INHA: variants seen among roughly 807,000 people sequenced by gnomAD.
INHA encodes inhibin alpha chain.
Under a neutral mutation model 21.3 loss-of-function variants are expected in INHA, and 8 were observed. The observed-to-expected ratio is 0.38, with a 90% CI of 0.22 to 0.68. INHA has a LOEUF of 0.68. Ranked by LOEUF, INHA falls within the 30% of genes least tolerant of loss-of-function variation. The probability of loss-of-function intolerance (pLI) is 0.53; values close to 1 mark genes in which losing one functional copy is unlikely to be tolerated. For synonymous variants in INHA, 231 were observed against 207.5 expected (o/e 1.11, Z -0.97); for missense variants, 436 against 465.8 (o/e 0.94, Z 0.59).
At chr2:219,573,601 T>A (rs1697471680) in intron 1 of INHA, among the ~76,000 whole-genome samples, 2 of 151,666 alleles carry the variant, frequency 1.3e-5, no homozygotes, top group South Asian at 4.2e-4. Flanking sequence ...TTTTTTTTTT[T>A]TTGGTGTAAA....
chr2:219,575,472 T>C lies in INHA; in HGVS notation c.1047T>C (p.Ser349=), dbSNP rs1180814642. Residue 349 remains serine (S), a synonymous_variant, in exon 2 of 2, where the codon TCT becomes TCC. Coordinates refer to ENST00000243786, the MANE Select transcript of INHA (RefSeq NM_002191.4). ...HVRTTSDGGY[S]FKYETVPNLL... ...GCACCACCTCGGATGGAGGTTACTC[T>C]TTCAAGTATGAGACAGTGCCCAACC... 6.2e-7 allele frequency: 1 copy of C among 1,614,074 alleles called. No homozygotes were observed. The highest frequency in any genetic ancestry group is 1.3e-5 in the African/African-American group (1 of 75,056).
chr2:219,574,801 G>A lies in INHA; in HGVS notation c.376G>A (p.Val126Met), dbSNP rs754694190. Residue 126 changes from valine (V) to methionine (M), a missense_variant, in exon 2 of 2, where the codon GTG becomes ATG. Transcript: ENST00000243786. ...ATCCCAGCATACACGCAGCCGCCAG[G>A]TGACTTCAGCCCAGCTGTGGTTCCA... Reference protein sequence around the residue: ...RPSQHTRSRQVTSAQLWFHTG... With the variant: ...RPSQHTRSRQMTSAQLWFHTG... 2 of 1,614,144 alleles carry A rather than the reference G, an allele frequency of 1.2e-6. No individual in the cohort carries two copies. Among genetic ancestry groups the A allele is most frequent in the Non-Finnish European group, 1.7e-6 (2 of 1,180,008 alleles).
Position 219,574,776 on chromosome 2 carries a change from A to T in INHA, c.351A>T (p.Pro117=). The T allele has an allele frequency of 6.2e-7, 1 of 1,614,128 alleles. No homozygotes were observed. The highest frequency in any genetic ancestry group is 8.5e-7 in the Non-Finnish European group (1 of 1,180,004). Residue 117 remains proline, a synonymous_variant, in exon 2 of 2, where the codon CCA becomes CCT. Coordinates refer to ENST00000243786, the MANE Select transcript of INHA (RefSeq NM_002191.4). ...GCCTCTTCAGATACATGTTCCGGCC[A>T]TCCCAGCATACACGCAGCCGCCAGG... ...EEGLFRYMFR[P]SQHTRSRQVT... is the part of the protein sequence containing the mutation.
At chr2:219,572,720 C>A (rs1046537146) in intron 1 of INHA, 78 bp downstream of exon 1, 2 of 1,503,480 alleles carry the variant, frequency 1.3e-6, no homozygotes, top group Non-Finnish European at 1.8e-6. Flanking sequence ...CCAGGCGGAC[C>A]TGGGTTTGAA....
At chr2:219,573,586 TC>T (rs1273842365) in intron 1 of INHA, among the ~76,000 whole-genome samples, 1 of 28,878 alleles carries the variant, frequency 3.5e-5, no homozygotes, top group Non-Finnish European at 7.2e-5. Flanking sequence ...CCCTCCTTCT[TC>T]TTTTTTTTTT....
chr2:219,575,011 C>T lies in INHA; in HGVS notation c.586C>T (p.Leu196=). ...LSLLTHPVLV[L]LLRCPLCTCS... is the part of the protein sequence containing the mutation. The stretch of plus-strand genomic sequence containing the variant: ...TCTGCTGACCCACCCCGTCCTGGTG[C>T]TGCTGCTGCGCTGTCCCCTCTGTAC... The change falls in exon 2 of 2, where the codon CTG becomes TTG. Residue 196 remains leucine (L), a synonymous_variant. Transcript: ENST00000243786. The T allele has an allele frequency of 6.2e-7, 1 of 1,613,122 alleles. No homozygotes were observed. Among genetic ancestry groups the T allele is most frequent in the Non-Finnish European group, 8.5e-7 (1 of 1,180,030 alleles).
rs1418219674 is a variant in INHA, at chr2:219,574,273, T to A, written c.269-421T>A. On this transcript the variant is annotated intron_variant, in intron 1 of 1. Coordinates refer to ENST00000243786, the MANE Select transcript of INHA (RefSeq NM_002191.4). Reference sequence around the variant, plus strand: ...CAGCCTGGGTGACACAGTAAGACTCTGTCTCAAAAAAAAAAAAAAAAAAGA... The same window carrying A: ...CAGCCTGGGTGACACAGTAAGACTCAGTCTCAAAAAAAAAAAAAAAAAAGA... Among the ~76,000 whole-genome samples the A allele has an allele frequency of 3.1e-5, 4 of 128,992 alleles. No individual in the cohort carries two copies. The East Asian group carries it at 1.0e-3, about 32-fold the overall frequency. 84.6% of individuals were successfully genotyped at this position (128,992 alleles called of 152,430 possible).
In INHA at chr2:219,574,887, G is replaced by C. The variant is rs1481596160; in HGVS notation, c.462G>C (p.Leu154=). Residue 154 remains leucine (L), a synonymous_variant, in exon 2 of 2, where the codon CTG becomes CTC. Transcript: ENST00000243786. ...ASNSSEPLLG[L]LALSPGGPVA... ...ATAGCTCTGAGCCCCTGCTAGGCCTGCTGGCACTGTCACCGGGAGGACCCG... is the reference window on the plus strand; with the variant it reads ...ATAGCTCTGAGCCCCTGCTAGGCCTCCTGGCACTGTCACCGGGAGGACCCG... The C allele has an allele frequency of 6.2e-7, 1 of 1,614,042 alleles. No individual in the cohort carries two copies. The highest frequency in any genetic ancestry group is 1.3e-5 in the African/African-American group (1 of 74,954).
rs1257387062 is a variant in INHA at position 219,575,020 on chromosome 2, C to T, written c.595C>T (p.Arg199Cys). The T allele has an allele frequency of 1.9e-5, 30 of 1,613,008 alleles. No homozygotes were observed. The highest frequency in any genetic ancestry group is 2.2e-5 in the Non-Finnish European group (26 of 1,180,044). The change falls in exon 2 of 2, where the codon CGC becomes TGC. Residue 199 changes from arginine (R) to cysteine (C), a missense_variant. Arg to Cys is a radical substitution (Grantham distance 180, BLOSUM62 -3). Coordinates refer to ENST00000243786, the MANE Select transcript of INHA (RefSeq NM_002191.4). The stretch of plus-strand genomic sequence containing the variant: ...CCACCCCGTCCTGGTGCTGCTGCTG[C>T]GCTGTCCCCTCTGTACCTGCTCAGC... ...LTHPVLVLLL[R>C]CPLCTCSARP...
chr2:219,574,087 T>C (rs1559166073), intron 1 of INHA, among the ~76,000 whole-genome samples: 1 of 152,040 alleles, frequency 6.6e-6, no homozygotes, highest in African/African-American at 2.4e-5. Context: ...GAGATCAGCC[T>C]GGGCAACATA....
intron 1 of INHA, among the ~76,000 whole-genome samples, chr2:219,573,527 T>C (rs1368466112): frequency 1.3e-5 from 2 of 151,950 alleles, no homozygotes; most frequent in African/African-American, 4.8e-5. Context: ...CCTCCTTCTC[T>C]TCCCCCTCTT....
At position 219,575,620 on chromosome 2, in the gene INHA, TC is replaced by T; in HGVS notation, c.*97del. Reference sequence around the variant, plus strand: ...AAGGCAGAGTTGGGAAATAGATGGCTCCCACTCCTCCCTCCTTTCACTTCTC... The same window carrying T: ...AAGGCAGAGTTGGGAAATAGATGGCTCCACTCCTCCCTCCTTTCACTTCTC... On this transcript the variant is annotated 3_prime_UTR_variant, in exon 2 of 2. Transcript: ENST00000243786. The T allele has an allele frequency of 1.0e-6, 1 of 971,646 alleles. No homozygotes were observed. The highest frequency in any genetic ancestry group is 1.6e-6 in the Non-Finnish European group (1 of 612,218). The allele number at this position is 971,646 out of a possible 1,614,324, so 60.2% of individuals were successfully genotyped here.
Position 219,572,475 on chromosome 2 carries a change from G to A in INHA, c.101G>A (p.Arg34Lys). The A allele has an allele frequency of 1.2e-6, 2 of 1,613,876 alleles. No homozygotes were observed. Among genetic ancestry groups the A allele is most frequent in the South Asian group, 1.1e-5 (1 of 91,064 alleles). ...LARELVLAKV[R>K]ALFLDALGPP... ...CGGGAACTTGTTCTGGCCAAGGTGA[G>A]GGCCCTGTTCTTGGATGCCTTGGGG... Residue 34 changes from arginine to lysine, a missense_variant, in exon 1 of 2, where the codon AGG becomes AAG. By Grantham distance (26) the Arg-to-Lys change is conservative (BLOSUM62 2). Transcript: ENST00000243786.
chr2:219,573,587 CTTTTTT>C (rs11342037), intron 1 of INHA, among the ~76,000 whole-genome samples: 2 of 143,640 alleles, frequency 1.4e-5, no homozygotes, highest in Non-Finnish European at 1.5e-5. Flanking sequence ...CCTCCTTCTT[CTTTTTT>C]TTTTTTTTTT....
Position 219,574,831 on chromosome 2 carries a change from G to A in INHA, c.406G>A (p.Gly136Arg), listed in dbSNP as rs1184216895. ...TTCAGCCCAGCTGTGGTTCCACACC[G>A]GGCTGGACAGGCAGGGCACAGCAGC... is the stretch of plus-strand genomic sequence containing the variant. ...VTSAQLWFHT[G>R]LDRQGTAASN... The change falls in exon 2 of 2, where the codon GGG (glycine) becomes AGG (arginine). Residue 136 changes from glycine to arginine, a missense_variant. Physicochemically the swap from Gly to Arg is moderately radical, Grantham distance 125. Coordinates refer to ENST00000243786, the MANE Select transcript of INHA (RefSeq NM_002191.4). 12 of 1,613,930 alleles carry A rather than the reference G, an allele frequency of 7.4e-6. No individual in the cohort carries two copies. Among genetic ancestry groups the A allele is most frequent in the East Asian group, 4.5e-5 (2 of 44,900 alleles).
Position 219,574,979 on chromosome 2 carries a change from C to T in INHA, c.554C>T (p.Ala185Val). ...GCCGTGCTGCACCTGGCCACCTCTG[C>T]TCTCTCTCTGCTGACCCACCCCGTC... ...HWAVLHLATS[A>V]LSLLTHPVLV... Residue 185 changes from alanine to valine, a missense_variant, in exon 2 of 2, where the codon GCT becomes GTT. By Grantham distance (64) the Ala-to-Val change is moderately conservative. Coordinates refer to ENST00000243786, the MANE Select transcript of INHA (RefSeq NM_002191.4). The T allele has an allele frequency of 1.9e-6, 3 of 1,613,328 alleles. No individual in the cohort carries two copies. The highest frequency in any genetic ancestry group is 1.1e-5 in the South Asian group (1 of 91,076).
chr2:219,575,510 A>T lies in INHA; in HGVS notation c.1085A>T (p.His362Leu). ...YETVPNLLTQ[H>L]CACI ...ACAGTGCCCAACCTTCTCACGCAGC[A>T]CTGTGCTTGTATCTAAGGGTGGGGG... is the stretch of plus-strand genomic sequence containing the variant. The change falls in exon 2 of 2, where the codon CAC (histidine) becomes CTC (leucine). Residue 362 changes from histidine to leucine, a missense_variant. His to Leu is a moderately conservative substitution (Grantham distance 99). Transcript: ENST00000243786. 6.2e-7 allele frequency: 1 copy of T among 1,613,380 alleles called. No homozygotes were observed. The highest frequency in any genetic ancestry group is 8.5e-7 in the Non-Finnish European group (1 of 1,179,758).
intron 1 of INHA, among the ~76,000 whole-genome samples, chr2:219,574,227 C>T (rs62191617): frequency 0.025 from 3,790 of 149,094 alleles, 91 homozygotes; most frequent in East Asian, 0.085. Flanking sequence ...TGCAGTGAGC[C>T]GTGATCATGC....
Position 219,572,559 on chromosome 2 carries a change from A to G in INHA, c.185A>G (p.His62Arg), listed in dbSNP as rs1470746383. ...DPGVRRLPRR[H>R]ALGGFTHRGS... ...GGAGTCAGGCGGCTGCCCCGAAGAC[A>G]TGCCCTGGGGGGCTTCACACACAGG... The change falls in exon 1 of 2, where the codon CAT (histidine) becomes CGT (arginine). Residue 62 changes from histidine to arginine, a missense_variant. His to Arg is a conservative substitution (Grantham distance 29). Transcript: ENST00000243786. 11 of 1,569,360 alleles carry G rather than the reference A, an allele frequency of 7.0e-6. No individual in the cohort carries two copies. Among genetic ancestry groups the G allele is most frequent in the South Asian group, 2.3e-5 (2 of 86,196 alleles).
Sources: gnomAD v4.1 joint callset for allele counts (sites outside exome capture counted in the v4.1 genomes callset) on GRCh38, gnomAD v4.1.1 for gene constraint, MANE v1.5 for transcripts, NCBI Gene and HGNC (gene_info 2026-07-23, HGNC 2026-07-21) for gene names.